The following ZHX2 variants were observed in gnomAD, a reference collection of about 807,000 sequenced individuals.
ZHX2 encodes the protein zinc fingers and homeoboxes protein 2.
A neutral mutation model predicts 21.9 loss-of-function variants in ZHX2; 6 were observed. The ratio of observed to expected loss-of-function variants is 0.27; its 90% CI spans 0.15 to 0.54. ZHX2 has a LOEUF of 0.54. ZHX2 is among the 20% of genes least tolerant of loss of function. The probability of loss-of-function intolerance (pLI) is 0.95; values close to 1 mark genes in which losing one functional copy is unlikely to be tolerated. For synonymous variants in ZHX2, 434 were observed against 437.1 expected, an observed-to-expected ratio of 0.99 and a Z score of 0.09; for missense variants, 908 against 1,090.7, an observed-to-expected ratio of 0.83 and a Z score of 2.36.
At position 122,953,162 on chromosome 8, in the gene ZHX2, G is replaced by A. The variant is rs763224734; in HGVS notation, c.1652G>A (p.Ser551Asn). 2 of 1,613,766 alleles carry A rather than the reference G, an allele frequency of 1.2e-6. No individual in the cohort carries two copies. The highest frequency in any genetic ancestry group is 1.7e-6 in the Non-Finnish European group (2 of 1,180,004). Residue 551 changes from serine to asparagine, a missense_variant, in exon 3 of 4, where the codon AGT (serine) becomes AAT (asparagine). Physicochemically the swap from Ser to Asn is conservative, Grantham distance 46. This residue lies in a region of ZHX2 where 431 missense variants were observed against 428.6 expected (regional missense o/e 1.01). Coordinates refer to ENST00000314393, the MANE Select transcript of ZHX2 (RefSeq NM_014943.5). The surrounding 1 kb of genome is among the most constrained non-coding windows in gnomAD (Gnocchi z 4.6). ...ATCTTGGAAGACAGCTTTTTGAAAA[G>A]TTCTTTTCCTACCCAAGCAGAACTG... ...VKILEDSFLK[S>N]SFPTQAELDR...
intron 2 of ZHX2, among the ~76,000 whole-genome samples, chr8:122,888,744 A>G (rs1819906503): frequency 6.6e-6 from 1 of 152,174 alleles, no homozygotes; most frequent in Non-Finnish European, 1.5e-5. Flanking sequence ...CGGCCTCCCA[A>G]AGTGCTGGGA....
chr8:122,832,866 A>G (rs1818409875), intron 1 of ZHX2, among the ~76,000 whole-genome samples: 1 of 152,178 alleles, frequency 6.6e-6, no homozygotes, highest in Non-Finnish European at 1.5e-5. Context: ...CGTTCTGCCA[A>G]GAAGTTTAAA....
chr8:122,911,753 AAC>A (rs1289286288), intron 2 of ZHX2, among the ~76,000 whole-genome samples: 1 of 152,076 alleles, frequency 6.6e-6, no homozygotes, highest in Non-Finnish European at 1.5e-5. Flanking sequence ...TGGCAGGAAA[AAC>A]ACACAGAGCT....
chr8:122,826,686 CTG>C (rs1818272080), intron 1 of ZHX2, among the ~76,000 whole-genome samples: 2 of 152,196 alleles, frequency 1.3e-5, no homozygotes, highest in South Asian at 4.2e-4. Flanking sequence ...GCCAAAAGGT[CTG>C]TGTGTAAGGG....
chr8:122,970,552 A>G (rs1440519021), intron 3 of ZHX2, among the ~76,000 whole-genome samples: 1 of 151,856 alleles, frequency 6.6e-6, no homozygotes, highest in Admixed American at 6.6e-5. Context: ...GCTTTCTCCA[A>G]CTCCACAGCT....
At chr8:122,924,117 C>G (rs563576687) in intron 2 of ZHX2, among the ~76,000 whole-genome samples, 1 of 152,304 alleles carries the variant, frequency 6.6e-6, no homozygotes, top group South Asian at 2.1e-4. Flanking sequence ...TGTAACAAAG[C>G]ACCACAAACT....
At chr8:122,806,932 GA>G (rs1185574676) in intron 1 of ZHX2, among the ~76,000 whole-genome samples, 1 of 152,178 alleles carries the variant, frequency 6.6e-6, no homozygotes, top group Non-Finnish European at 1.5e-5. Flanking sequence ...AGTGGGGATA[GA>G]TAACCAGACC....
intron 2 of ZHX2, among the ~76,000 whole-genome samples, chr8:122,872,085 A>G (rs555654167): frequency 4.6e-5 from 7 of 152,342 alleles, no homozygotes; most frequent in African/African-American, 1.4e-4. Context: ...AGGTATCACC[A>G]TGACCAATGG....
At chr8:122,885,887 C>A (rs1819830232) in intron 2 of ZHX2, among the ~76,000 whole-genome samples, 1 of 152,172 alleles carries the variant, frequency 6.6e-6, no homozygotes, top group Non-Finnish European at 1.5e-5. Flanking sequence ...GCCTAGTGGG[C>A]TCTGCTAGTG....
Position 122,948,218 on chromosome 8 carries a change from C to T in ZHX2, c.-219-3074C>T, listed in dbSNP as rs1813026191. Among the ~76,000 whole-genome samples the T allele has an allele frequency of 2.6e-5, 4 of 152,232 alleles. No homozygotes were observed. The South Asian group carries it at 8.3e-4, about 32-fold the overall frequency. ...AGTTCTTCGCTTTGGCCTTTATGCC[C>T]TCTCTTCAGTGGGACTCAAACCCAG... is the stretch of plus-strand genomic sequence containing the variant. On this transcript the variant is annotated intron_variant, in intron 2 of 3. Transcript: ENST00000314393.
At chr8:122,949,367 C>T (rs771877173) in intron 2 of ZHX2, among the ~76,000 whole-genome samples, 1 of 151,552 alleles carries the variant, frequency 6.6e-6, no homozygotes, top group Non-Finnish European at 1.5e-5. Flanking sequence ...AGTTTTGCAA[C>T]AAACTTAGTA....
At chr8:122,884,527 C>T (rs1334649544) in intron 2 of ZHX2, among the ~76,000 whole-genome samples, 3 of 152,132 alleles carry the variant, frequency 2.0e-5, no homozygotes, top group East Asian at 3.8e-4. Context: ...TGTCACAAAT[C>T]CCCCCCACCA....
chr8:122,792,950 G>A (rs1563732115), intron 1 of ZHX2, among the ~76,000 whole-genome samples: 1 of 152,188 alleles, frequency 6.6e-6, no homozygotes, highest in Non-Finnish European at 1.5e-5. Flanking sequence ...ATAGGGCACT[G>A]TGCTCACTGT....
chr8:122,960,508 A>G (rs1414984267), intron 3 of ZHX2, among the ~76,000 whole-genome samples: 1 of 152,178 alleles, frequency 6.6e-6, no homozygotes, highest in Non-Finnish European at 1.5e-5. Context: ...ACAGCACTCC[A>G]ACTTGGGGCA....
rs1362316717 is a variant in ZHX2 at position 122,952,866 on chromosome 8, A to G, written c.1356A>G (p.Ala452=). Residue 452 remains alanine, a synonymous_variant, in exon 3 of 4, where the codon GCA becomes GCG. Transcript: ENST00000314393. This position sits in a 1 kb window ranked among gnomAD's most constrained non-coding sequence, Gnocchi z 6.9. ...SDRKKTKEQI[A]HLKASFLQSQ... Reference sequence around the variant, plus strand: ...GCAAGAAGACAAAGGAGCAGATAGCACATCTCAAGGCCAGCTTTCTCCAGA... The same window carrying G: ...GCAAGAAGACAAAGGAGCAGATAGCGCATCTCAAGGCCAGCTTTCTCCAGA... 2.5e-5 allele frequency: 41 copies of G among 1,614,178 alleles called. No homozygotes were observed. The highest frequency in any genetic ancestry group is 3.3e-5 in the Non-Finnish European group (39 of 1,180,046).
intron 2 of ZHX2, among the ~76,000 whole-genome samples, chr8:122,897,068 C>T (rs1162240310): frequency 6.6e-6 from 1 of 152,126 alleles, no homozygotes; most frequent in Non-Finnish European, 1.5e-5. Context: ...ATGAGTTTTT[C>T]CTTGGCAACT....
At chr8:122,910,386 G>A (rs1820448813) in intron 2 of ZHX2, among the ~76,000 whole-genome samples, 1 of 152,146 alleles carries the variant, frequency 6.6e-6, no homozygotes, top group African/African-American at 2.4e-5. Flanking sequence ...TTCACCTGAT[G>A]GAGGTTTGCA....
chr8:122,790,019 A>C (rs1817480225), intron 1 of ZHX2, among the ~76,000 whole-genome samples: 1 of 152,228 alleles, frequency 6.6e-6, no homozygotes, highest in African/African-American at 2.4e-5. Flanking sequence ...CATTCCAAAG[A>C]ACGGAGAACT....
rs1428488661 is a variant in ZHX2 at position 122,911,312 on chromosome 8, G to A, written c.-219-39980G>A. Reference sequence around the variant, plus strand: ...GGGTGGGAGTGAAAGTGAAGTGGGTGGAGTTGCGTGGGGCCAGCAGGCAGC... The same window carrying A: ...GGGTGGGAGTGAAAGTGAAGTGGGTAGAGTTGCGTGGGGCCAGCAGGCAGC... On this transcript the variant is annotated intron_variant, in intron 2 of 3. Transcript: ENST00000314393. Among the ~76,000 whole-genome samples, 3 of 151,964 alleles carry A rather than the reference G, an allele frequency of 2.0e-5. No homozygotes were observed. The East Asian group carries it at 5.8e-4, about 29-fold the overall frequency.
Sources: gnomAD v4.1 joint callset for allele counts (sites outside exome capture counted in the v4.1 genomes callset) on GRCh38, gnomAD v4.1.1 for gene constraint, gnomAD v4.1.1 regional missense constraint, Gnocchi (gnomAD v3.1) non-coding constraint, MANE v1.5 for transcripts, NCBI Gene and HGNC (gene_info 2026-07-23, HGNC 2026-07-21) for gene names.